The following LRRC15 variants were observed in gnomAD, a reference collection of about 807,000 sequenced individuals.
LRRC15 encodes leucine rich repeat containing 15.
LRRC15 carries 5 observed loss-of-function variants against 4.3 expected under a neutral mutation model. The observed-to-expected ratio is 1.16, with a 90% CI of 0.61 to 2.44. The LOEUF is 2.44. Among genes scored for constraint, LRRC15 ranks in the 30% most tolerant of loss-of-function variants. The probability of loss-of-function intolerance (pLI) is 0.01; values close to 1 mark genes in which losing one functional copy is unlikely to be tolerated. For synonymous variants in LRRC15, 337 were observed against 323.2 expected, an observed-to-expected ratio of 1.04 and a Z score of -0.46; for missense variants, 769 against 747.0, an observed-to-expected ratio of 1.03 and a Z score of -0.34.
intron 1 of LRRC15, among the ~76,000 whole-genome samples, chr3:194,364,285 G>A (rs139559522): frequency 1.2e-3 from 177 of 152,288 alleles, no homozygotes; most frequent in Middle Eastern, 3.4e-3. Context: ...TGGACAGTGT[G>A]GGTATTTGCC....
At chr3:194,368,901 C>G (rs146369043) in intron 1 of LRRC15, among the ~76,000 whole-genome samples, 210 of 152,328 alleles carry the variant, frequency 1.4e-3, no homozygotes, top group South Asian at 4.1e-4. Flanking sequence ...CACATACCAC[C>G]TCATCACAAA....
At position 194,355,633 on chromosome 3, in the gene LRRC15, G is replaced by T. The variant is rs1028803298; in HGVS notation, c.*3665C>A. The T allele has an allele frequency of 2.6e-5, 4 of 152,216 alleles. No individual in the cohort carries two copies. Among genetic ancestry groups the T allele is most frequent in the Admixed American group, 6.5e-5 (1 of 15,292 alleles). 9.4% of individuals were successfully genotyped at this position (152,216 alleles called of 1,614,324 possible). ...AACGCAGATTCAGTTCTGACTGTGG[G>T]ATCTGGGGGCTGAATCTTTGAGTGG... On this transcript the variant is annotated 3_prime_UTR_variant, in exon 2 of 2. Transcript: ENST00000347624.
At position 194,359,345 on chromosome 3, in the gene LRRC15, T is replaced by A; in HGVS notation, c.1699A>T (p.Arg567Trp). 6.2e-7 allele frequency: 1 copy of A among 1,613,470 alleles called. No individual in the cohort carries two copies. The highest frequency in any genetic ancestry group is 1.7e-5 in the Admixed American group (1 of 60,008). ...ACVGCCCCKKRSQAVLMQMKA... is the reference protein window; with the variant it reads ...ACVGCCCCKKWSQAVLMQMKA... ...ATCTGCATCAGGACAGCTTGGCTCCTCTTCTTGCAGCAGCAACAGCCGACG... is the reference window on the plus strand; with the variant it reads ...ATCTGCATCAGGACAGCTTGGCTCCACTTCTTGCAGCAGCAACAGCCGACG... The change falls in exon 2 of 2, where the codon AGG (arginine) becomes TGG (tryptophan). Residue 567 changes from arginine to tryptophan, a missense_variant. By Grantham distance (101) the Arg-to-Trp change is moderately radical. Transcript: ENST00000347624.
rs376719504 is a variant in LRRC15, at chr3:194,359,296, C to T, written c.*2G>A. 1.9e-6 allele frequency: 3 copies of T among 1,571,394 alleles called. No homozygotes were observed. Among genetic ancestry groups the T allele is most frequent in the Middle Eastern group, 1.7e-4 (1 of 5,842 alleles). ...TCCCCAGCCCTGCTCCAGCCTGCCTCTTTAACACTCATTGGGTGCCTTCAT... is the reference window on the plus strand; with the variant it reads ...TCCCCAGCCCTGCTCCAGCCTGCCTTTTTAACACTCATTGGGTGCCTTCAT... On this transcript the variant is annotated 3_prime_UTR_variant, in exon 2 of 2. Coordinates refer to ENST00000347624, the MANE Select transcript of LRRC15 (RefSeq NM_130830.5).
intron 1 of LRRC15, among the ~76,000 whole-genome samples, chr3:194,367,296 T>C (rs1713809679): frequency 6.6e-6 from 1 of 151,952 alleles, no homozygotes. Flanking sequence ...TGGATCTTTA[T>C]TTTTTTATTT....
At chr3:194,362,181 G>A (rs1014184046) in intron 1 of LRRC15, among the ~76,000 whole-genome samples, 2 of 151,624 alleles carry the variant, frequency 1.3e-5, no homozygotes, top group Non-Finnish European at 2.9e-5. Flanking sequence ...ATGGGACATA[G>A]GTGCTGGTCC....
At chr3:194,364,135 T>A (rs923932) in intron 1 of LRRC15, among the ~76,000 whole-genome samples, 1 of 152,048 alleles carries the variant, frequency 6.6e-6, no homozygotes, top group African/African-American at 2.4e-5. Context: ...AAGACTCCCA[T>A]GCCTGGTAGG....
Position 194,359,608 on chromosome 3 carries a change from G to A in LRRC15, c.1436C>T (p.Pro479Leu). 3 of 1,613,838 alleles carry A rather than the reference G, an allele frequency of 1.9e-6. No individual in the cohort carries two copies. The highest frequency in any genetic ancestry group is 2.2e-5 in the South Asian group (2 of 90,986). Residue 479 changes from proline (P) to leucine (L), a missense_variant, in exon 2 of 2, where the codon CCC becomes CTC. Coordinates refer to ENST00000347624, the MANE Select transcript of LRRC15 (RefSeq NM_130830.5). ...TGTTTCTGGGTAACTAGGCACCTCG[G>A]GGACATGGACGCTTGGAACAGCAAC... ...VNVAVPSVHVPEVPSYPETPW... is the reference protein window; with the variant it reads ...VNVAVPSVHVLEVPSYPETPW...
chr3:194,364,449 A>C (rs1713720481), intron 1 of LRRC15, among the ~76,000 whole-genome samples: 1 of 152,214 alleles, frequency 6.6e-6, no homozygotes, highest in Admixed American at 6.5e-5. Flanking sequence ...TCACAGCCCA[A>C]GTGTCAGAGA....
In LRRC15 at chr3:194,359,371, C is replaced by T; in HGVS notation, c.1673G>A (p.Cys558Tyr). 1 of 1,614,082 alleles carries T rather than the reference C, an allele frequency of 6.2e-7. No homozygotes were observed. Among genetic ancestry groups the T allele is most frequent in the Non-Finnish European group, 8.5e-7 (1 of 1,179,982 alleles). The change falls in exon 2 of 2, where the codon TGC becomes TAC. Residue 558 changes from cysteine to tyrosine, a missense_variant. Cys to Tyr is a radical substitution (Grantham distance 194). Transcript: ENST00000347624. Reference sequence around the variant, plus strand: ...CTTCTTGCAGCAGCAACAGCCGACGCAGGCAGCCAGGGAGCAGGCCAGGGC... The same window carrying T: ...CTTCTTGCAGCAGCAACAGCCGACGTAGGCAGCCAGGGAGCAGGCCAGGGC... ...IVALACSLAACVGCCCCKKRS... is the reference protein window; with the variant it reads ...IVALACSLAAYVGCCCCKKRS...
Position 194,360,084 on chromosome 3 carries a change from C to G in LRRC15, c.960G>C (p.Gln320His). The G allele has an allele frequency of 2.5e-6, 4 of 1,614,238 alleles. No individual in the cohort carries two copies. Among genetic ancestry groups the G allele is most frequent in the Non-Finnish European group, 3.4e-6 (4 of 1,180,054 alleles). ...DNVFSNLRQL[Q>H]VLILSRNQIS... ...TCTGATTGCGGCTAAGAATCAGGACCTGCAACTGGCGGAGGTTGCTGAAGA... is the reference window on the plus strand; with the variant it reads ...TCTGATTGCGGCTAAGAATCAGGACGTGCAACTGGCGGAGGTTGCTGAAGA... The change falls in exon 2 of 2, where the codon CAG becomes CAC. Residue 320 changes from glutamine to histidine, a missense_variant. Coordinates refer to ENST00000347624, the MANE Select transcript of LRRC15 (RefSeq NM_130830.5).
chr3:194,367,264 T>C (rs1224537750), intron 1 of LRRC15, among the ~76,000 whole-genome samples: 2 of 152,186 alleles, frequency 1.3e-5, no homozygotes, highest in Non-Finnish European at 2.9e-5. Flanking sequence ...AGGCTGCAGA[T>C]GGATTTGTGA....
In LRRC15 at chr3:194,360,160, AGGTTG is replaced by A; in HGVS notation, c.879_883del (p.Asn294AlafsTer7). ...GTTGTCATAGAGCCAAAGCTCCCGC[AGGTTG>A]GGCATGGGCCCGAAGATCCCCGGAG... is the stretch of plus-strand genomic sequence containing the variant. On this transcript the variant is annotated frameshift_variant, in exon 2 of 2. Transcript: ENST00000347624. LOFTEE classifies it low-confidence loss of function (END_TRUNC). 6.2e-7 allele frequency: 1 copy of A among 1,613,856 alleles called. No individual in the cohort carries two copies. Among genetic ancestry groups the A allele is most frequent in the Non-Finnish European group, 8.5e-7 (1 of 1,179,752 alleles).
Position 194,357,885 on chromosome 3 carries a change from GATACAGGCAT to G in LRRC15, c.*1403_*1412del, listed in dbSNP as rs2108656083. 1 of 152,356 alleles carries G rather than the reference GATACAGGCAT, an allele frequency of 6.6e-6. No homozygotes were observed. The highest frequency in any genetic ancestry group is 1.5e-5 in the Non-Finnish European group (1 of 68,032). 9.4% of individuals were successfully genotyped at this position (152,356 alleles called of 1,614,324 possible). A position where few individuals can be genotyped will look rare whatever the true frequency, so the allele number is the denominator to read the frequency against. ...AAGTGAAGAATGAAAATTAAAAACA[GATACAGGCAT>G]ATCACGTCCATAGAAGGCTCCAGGC... On this transcript the variant is annotated 3_prime_UTR_variant, in exon 2 of 2. Transcript: ENST00000347624.
At chr3:194,361,816 T>A (rs1713636140) in intron 1 of LRRC15, among the ~76,000 whole-genome samples, 1 of 152,166 alleles carries the variant, frequency 6.6e-6, no homozygotes, top group African/African-American at 2.4e-5. Context: ...CTGCTAGCCC[T>A]TTCACCTGTG....
chr3:194,359,457 A>G lies in LRRC15; in HGVS notation c.1587T>C (p.Val529=), dbSNP rs1713532165. The change falls in exon 2 of 2, where the codon GTT becomes GTC. Residue 529 remains valine, a synonymous_variant. Transcript: ENST00000347624. ...CGCTCTGGGCCTGGGTCATGCCCCAAACGCTGCGGTCATCAGTGACCTGAA... is the reference window on the plus strand; with the variant it reads ...CGCTCTGGGCCTGGGTCATGCCCCAGACGCTGCGGTCATCAGTGACCTGAA... ...TTIQVTDDRS[V]WGMTQAQSGL... 6.2e-7 allele frequency: 1 copy of G among 1,614,224 alleles called. No homozygotes were observed. The highest frequency in any genetic ancestry group is 8.5e-7 in the Non-Finnish European group (1 of 1,180,024).
Position 194,360,217 on chromosome 3 carries a change from A to C in LRRC15, c.827T>G (p.Leu276Arg), listed in dbSNP as rs1386533389. 6.2e-7 allele frequency: 1 copy of C among 1,613,670 alleles called. No individual in the cohort carries two copies. The highest frequency in any genetic ancestry group is 8.5e-7 in the Non-Finnish European group (1 of 1,179,764). ...MQLPQLNRLT[L>R]FGNSLKELSP... Reference sequence around the variant, plus strand: ...GAGCTCCTTCAGGGAATTCCCAAAGAGAGTAAGACGGTTGAGCTGGGGCAG... The same window carrying C: ...GAGCTCCTTCAGGGAATTCCCAAAGCGAGTAAGACGGTTGAGCTGGGGCAG... The change falls in exon 2 of 2, where the codon CTC becomes CGC. Residue 276 changes from leucine to arginine, a missense_variant. Physicochemically the swap from Leu to Arg is moderately radical, Grantham distance 102 (BLOSUM62 -2). Coordinates refer to ENST00000347624, the MANE Select transcript of LRRC15 (RefSeq NM_130830.5).
Position 194,359,202 on chromosome 3 carries a change from C to T in LRRC15, c.*96G>A, listed in dbSNP as rs928724695. 1.4e-5 allele frequency: 17 copies of T among 1,188,372 alleles called. No individual in the cohort carries two copies. The highest frequency in any genetic ancestry group is 4.8e-5 in the East Asian group (2 of 42,016). 73.6% of individuals were successfully genotyped at this position (1,188,372 alleles called of 1,614,324 possible). On this transcript the variant is annotated 3_prime_UTR_variant, in exon 2 of 2. Transcript: ENST00000347624. ...TCTCTGGGGCCAGAAAGAGCAATCACGGGAAAGCTCCATGGACCCAGGGGT... is the reference window on the plus strand; with the variant it reads ...TCTCTGGGGCCAGAAAGAGCAATCATGGGAAAGCTCCATGGACCCAGGGGT...
intron 1 of LRRC15, chr3:194,363,421 A>C (rs1329556663): frequency 1.4e-6 from 1 of 693,586 alleles, no homozygotes; most frequent in Non-Finnish European, 2.6e-6. Flanking sequence ...ATCTGAAAAA[A>C]AGTAAAAACT....
Sources: allele counts gnomAD v4.1 joint callset (sites outside exome capture counted in the v4.1 genomes callset), GRCh38; gene constraint gnomAD v4.1.1; transcripts MANE v1.5; gene names NCBI Gene and HGNC (gene_info 2026-07-23, HGNC 2026-07-21).